The following UQCRB variants were observed in gnomAD, a reference collection of about 807,000 sequenced individuals.
The protein encoded by UQCRB is ubiquinol-cytochrome c reductase binding protein.
Under a neutral mutation model 19.8 loss-of-function variants are expected in UQCRB, and 12 were observed. The ratio of observed to expected loss-of-function variants is 0.61; its 90% CI spans 0.39 to 0.98. UQCRB has a LOEUF of 0.98. Among genes scored for constraint, UQCRB ranks in the 50% least tolerant of loss-of-function variants. The pLI, the probability that UQCRB is intolerant of heterozygous loss-of-function variation, is 0.00. For synonymous variants in UQCRB, 39 were observed against 42.9 expected, an observed-to-expected ratio of 0.91 and a Z score of 0.35; for missense variants, 142 against 131.8, an observed-to-expected ratio of 1.08 and a Z score of -0.38.
Position 96,235,474 on chromosome 8 carries a change from C to T in UQCRB, c.19+38G>A, listed in dbSNP as rs991998442. ...GCTGCAGCAAAAATAAACGGTGAAGCGCGACGATGCCGGCCAAGAAGACCC... is the reference window on the plus strand; with the variant it reads ...GCTGCAGCAAAAATAAACGGTGAAGTGCGACGATGCCGGCCAAGAAGACCC... On this transcript the variant is annotated intron_variant, in intron 1 of 3. Coordinates refer to ENST00000287022, the MANE Select transcript of UQCRB (RefSeq NM_006294.5). 1.9e-6 allele frequency: 3 copies of T among 1,614,038 alleles called. No homozygotes were observed. The African/African-American group carries it at 4.0e-5, about 22-fold the overall frequency.
rs917952160 is a variant in UQCRB, at chr8:96,229,322, T to C, written c.*1733A>G. On this transcript the variant is annotated 3_prime_UTR_variant, in exon 4 of 4. Coordinates refer to ENST00000287022, the MANE Select transcript of UQCRB (RefSeq NM_006294.5). ...TATTTGTTCCCCTGTCCTTCAGCAG[T>C]GCCCTTAGGCTTGCTTTAAACATTA... is the stretch of plus-strand genomic sequence containing the variant. 1 of 454,026 alleles carries C rather than the reference T, an allele frequency of 2.2e-6. No individual in the cohort carries two copies. The highest frequency in any genetic ancestry group is 4.4e-6 in the Non-Finnish European group (1 of 226,810). The allele number at this position is 454,026 out of a possible 1,614,324, so 28.1% of individuals were successfully genotyped here.
Position 96,228,228 on chromosome 8 carries a change from T to A in UQCRB, c.*2827A>T, listed in dbSNP as rs1368034672. ...CTTTCTTCAAGATGTAGGAAAACTG[T>A]ATATTCAAAACCAATCTCAAACTTT... is the stretch of plus-strand genomic sequence containing the variant. On this transcript the variant is annotated 3_prime_UTR_variant, in exon 4 of 4. Transcript: ENST00000287022. The A allele has an allele frequency of 3.3e-5, 15 of 453,966 alleles. No homozygotes were observed. The highest frequency in any genetic ancestry group is 3.0e-4 in the African/African-American group (15 of 50,008). 28.1% of individuals were successfully genotyped at this position (453,966 alleles called of 1,614,324 possible). A position where few individuals can be genotyped will look rare whatever the true frequency, so the allele number is the denominator to read the frequency against.
At position 96,229,285 on chromosome 8, in the gene UQCRB, C is replaced by T. The variant is rs1018504108; in HGVS notation, c.*1770G>A. ...CTGGGGGTTCCTGTTATACCTCAGT[C>T]TTGGTCAGTTCTATTTGTTCCCCTG... is the stretch of plus-strand genomic sequence containing the variant. On this transcript the variant is annotated 3_prime_UTR_variant, in exon 4 of 4. Transcript: ENST00000287022. 8 of 453,996 alleles carry T rather than the reference C, an allele frequency of 1.8e-5. No individual in the cohort carries two copies. Among genetic ancestry groups the T allele is most frequent in the African/African-American group, 6.0e-5 (3 of 50,008 alleles). The allele number at this position is 453,996 out of a possible 1,614,324, so 28.1% of individuals were successfully genotyped here.
chr8:96,228,732 T>C lies in UQCRB; in HGVS notation c.*2323A>G, dbSNP rs1809584827. On this transcript the variant is annotated 3_prime_UTR_variant, in exon 4 of 4. Coordinates refer to ENST00000287022, the MANE Select transcript of UQCRB (RefSeq NM_006294.5). ...ACAAACAAACTGAAGCACGGAGAGGTTAAATTGTATTCCTAAAGCACTACA... is the reference window on the plus strand; with the variant it reads ...ACAAACAAACTGAAGCACGGAGAGGCTAAATTGTATTCCTAAAGCACTACA... The C allele has an allele frequency of 2.2e-6, 1 of 453,940 alleles. No individual in the cohort carries two copies. 28.1% of individuals were successfully genotyped at this position (453,940 alleles called of 1,614,324 possible). A position where few individuals can be genotyped will look rare whatever the true frequency, so the allele number is the denominator to read the frequency against.
intron 1 of UQCRB, chr8:96,234,725 T>C (rs888589771): frequency 2.5e-5 from 9 of 357,816 alleles, no homozygotes; most frequent in Non-Finnish European, 3.8e-5. Flanking sequence ...TGAGACGAGA[T>C]TGTGCCATTG....
rs371998656 is a variant in UQCRB at position 96,230,608 on chromosome 8, G to A, written c.*447C>T. On this transcript the variant is annotated 3_prime_UTR_variant, in exon 4 of 4. Coordinates refer to ENST00000287022, the MANE Select transcript of UQCRB (RefSeq NM_006294.5). ...TACTTAAGTATGCCTATGTTGGGGT[G>A]CAGACATAATTTCTTTTTAAATGAT... 4.1e-4 allele frequency: 187 copies of A among 455,336 alleles called. No individual in the cohort carries two copies. Among genetic ancestry groups the A allele is most frequent in the Non-Finnish European group, 7.0e-4 (159 of 227,814 alleles). The allele number at this position is 455,336 out of a possible 1,614,324, so 28.2% of individuals were successfully genotyped here. A position where few individuals can be genotyped will look rare whatever the true frequency, so the allele number is the denominator to read the frequency against.
At position 96,231,583 on chromosome 8, in the gene UQCRB, A is replaced by G. The variant is rs1027363085; in HGVS notation, c.258+191T>C. 5 of 1,370,196 alleles carry G rather than the reference A, an allele frequency of 3.6e-6. No homozygotes were observed. The African/African-American group carries it at 7.2e-5, about 20-fold the overall frequency. 84.9% of individuals were successfully genotyped at this position (1,370,196 alleles called of 1,614,324 possible). A position where few individuals can be genotyped will look rare whatever the true frequency, so the allele number is the denominator to read the frequency against. On this transcript the variant is annotated intron_variant, in intron 3 of 3. Transcript: ENST00000287022. ...TTAGAGACTTGCTTAGTAATTTCAGAAGAATCATTTCACACGTAAGACTCA... is the reference window on the plus strand; with the variant it reads ...TTAGAGACTTGCTTAGTAATTTCAGGAGAATCATTTCACACGTAAGACTCA...
At chr8:96,233,342 T>C in intron 1 of UQCRB, 115 bp from the exon 2 acceptor site, 1 of 987,372 alleles carries the variant, frequency 1.0e-6, no homozygotes, top group South Asian at 1.3e-5. Context: ...TAGAAATAAA[T>C]TTCCTTTTAA....
Position 96,230,830 on chromosome 8 carries a change from T to C in UQCRB, c.*225A>G. The C allele has an allele frequency of 1.5e-6, 1 of 669,274 alleles. No homozygotes were observed. Among genetic ancestry groups the C allele is most frequent in the Non-Finnish European group, 2.8e-6 (1 of 359,624 alleles). 41.5% of individuals were successfully genotyped at this position (669,274 alleles called of 1,614,324 possible). On this transcript the variant is annotated 3_prime_UTR_variant, in exon 4 of 4. Transcript: ENST00000287022. ...GATAAAGTGGCTTCTGAGCTCCAAG[T>C]AGCAGTTAAACACAACTAAATATAT...
intron 3 of UQCRB, chr8:96,231,545 C>T (rs1350789849): frequency 5.5e-6 from 8 of 1,459,874 alleles, no homozygotes; most frequent in East Asian, 2.5e-5. Context: ...GATTTTAGTC[C>T]TGGCTCTCTA....
rs1417712895 is a variant in UQCRB at position 96,231,161 on chromosome 8, A to C, written c.259-29T>G. On this transcript the variant is annotated intron_variant, in intron 3 of 3. Coordinates refer to ENST00000287022, the MANE Select transcript of UQCRB (RefSeq NM_006294.5). ...AAGAATGAATGAAATATTATATGTT[A>C]CCATCACGTACTGATATATCCCAAA... is the stretch of plus-strand genomic sequence containing the variant. 8 of 1,614,038 alleles carry C rather than the reference A, an allele frequency of 5.0e-6. No individual in the cohort carries two copies. The East Asian group carries it at 1.8e-4, about 36-fold the overall frequency.
At position 96,229,756 on chromosome 8, in the gene UQCRB, C is replaced by T. The variant is rs1186622319; in HGVS notation, c.*1299G>A. On this transcript the variant is annotated 3_prime_UTR_variant, in exon 4 of 4. Coordinates refer to ENST00000287022, the MANE Select transcript of UQCRB (RefSeq NM_006294.5). ...CAGGATAGGTTTAGAAAAATAACGA[C>T]CAGCGAAAGGAAAAAAAAAAGCGGG... The T allele has an allele frequency of 2.2e-6, 1 of 452,342 alleles. No homozygotes were observed. Among genetic ancestry groups the T allele is most frequent in the Non-Finnish European group, 4.4e-6 (1 of 226,378 alleles). 28.0% of individuals were successfully genotyped at this position (452,342 alleles called of 1,614,324 possible). A position where few individuals can be genotyped will look rare whatever the true frequency, so the allele number is the denominator to read the frequency against.
At position 96,231,931 on chromosome 8, in the gene UQCRB, C is replaced by T. The variant is rs768870614; in HGVS notation, c.101G>A (p.Arg34Gln). 3.5e-5 allele frequency: 57 copies of T among 1,613,060 alleles called. No individual in the cohort carries two copies. The highest frequency in any genetic ancestry group is 4.2e-5 in the Non-Finnish European group (49 of 1,179,990). The change falls in exon 3 of 4, where the codon CGA becomes CAA. Residue 34 changes from arginine (R) to glutamine (Q), a missense_variant. Physicochemically the swap from Arg to Gln is conservative, Grantham distance 43 (BLOSUM62 1). Coordinates refer to ENST00000287022, the MANE Select transcript of UQCRB (RefSeq NM_006294.5). ...AAGFNKLGLMRDDTIYEDEDV... is the reference protein window; with the variant it reads ...AAGFNKLGLMQDDTIYEDEDV... Reference sequence around the variant, plus strand: ...TTCATCCTCGTATATTGTATCATCTCGCATTAACCCTATGATAGATGACAA... The same window carrying T: ...TTCATCCTCGTATATTGTATCATCTTGCATTAACCCTATGATAGATGACAA...
chr8:96,232,659 C>A (rs1021453043), intron 2 of UQCRB: 6 of 159,870 alleles, frequency 3.8e-5, no homozygotes, highest in Non-Finnish European at 8.2e-5. Flanking sequence ...TATGGTGAAA[C>A]CCCGTCTCTA....
Position 96,229,754 on chromosome 8 carries a change from G to A in UQCRB, c.*1301C>T, listed in dbSNP as rs1484552539. 2.7e-5 allele frequency: 12 copies of A among 450,658 alleles called. No individual in the cohort carries two copies. In the East Asian group the frequency reaches 2.9e-4, roughly 11 times the overall value. The allele number at this position is 450,658 out of a possible 1,614,324, so 27.9% of individuals were successfully genotyped here. On this transcript the variant is annotated 3_prime_UTR_variant, in exon 4 of 4. Transcript: ENST00000287022. ...TTCAGGATAGGTTTAGAAAAATAACGACCAGCGAAAGGAAAAAAAAAAGCG... is the reference window on the plus strand; with the variant it reads ...TTCAGGATAGGTTTAGAAAAATAACAACCAGCGAAAGGAAAAAAAAAAGCG...
rs1414979351 is a variant in UQCRB, at chr8:96,224,495, C to T, written c.*6560G>A. Among the ~76,000 whole-genome samples the T allele has an allele frequency of 6.6e-6, 1 of 152,124 alleles. No homozygotes were observed. The highest frequency in any genetic ancestry group is 1.5e-5 in the Non-Finnish European group (1 of 68,018). Reference sequence around the variant, plus strand: ...CTCTCCTGGGGTACAGAGCTGAATCCAGAAGGGACAAGAGTAGATTTAGAA... The same window carrying T: ...CTCTCCTGGGGTACAGAGCTGAATCTAGAAGGGACAAGAGTAGATTTAGAA... On this transcript the variant is annotated 3_prime_UTR_variant, in exon 4 of 4. Transcript: ENST00000287022.
In UQCRB at chr8:96,229,186, C is replaced by T. The variant is rs1809598921; in HGVS notation, c.*1869G>A. On this transcript the variant is annotated 3_prime_UTR_variant, in exon 4 of 4. Coordinates refer to ENST00000287022, the MANE Select transcript of UQCRB (RefSeq NM_006294.5). ...AACATAGAATAGGCATACACTTTGG[C>T]TTTAGGAAGAACTCTTACAAAATCA... is the stretch of plus-strand genomic sequence containing the variant. 4.4e-6 allele frequency: 2 copies of T among 453,990 alleles called. No homozygotes were observed. Among genetic ancestry groups the T allele is most frequent in the Non-Finnish European group, 4.4e-6 (1 of 226,802 alleles). 28.1% of individuals were successfully genotyped at this position (453,990 alleles called of 1,614,324 possible).
In UQCRB at chr8:96,230,646, C is replaced by A. The variant is rs879329257; in HGVS notation, c.*409G>T. 3 of 459,320 alleles carry A rather than the reference C, an allele frequency of 6.5e-6. No individual in the cohort carries two copies. Among genetic ancestry groups the A allele is most frequent in the Non-Finnish European group, 1.3e-5 (3 of 230,622 alleles). The allele number at this position is 459,320 out of a possible 1,614,324, so 28.5% of individuals were successfully genotyped here. On this transcript the variant is annotated 3_prime_UTR_variant, in exon 4 of 4. Coordinates refer to ENST00000287022, the MANE Select transcript of UQCRB (RefSeq NM_006294.5). ...CTTTTTAAATGATAGGATGCAAAATCAAATCTGTTTGCATACCAGTGAAGA... is the reference window on the plus strand; with the variant it reads ...CTTTTTAAATGATAGGATGCAAAATAAAATCTGTTTGCATACCAGTGAAGA...
Position 96,225,087 on chromosome 8 carries a change from G to C in UQCRB, c.*5968C>G, listed in dbSNP as rs1040192593. 6.6e-6 allele frequency among the ~76,000 whole-genome samples: 1 copy of C among 152,188 alleles called. No homozygotes were observed. Among genetic ancestry groups the C allele is most frequent in the African/African-American group, 2.4e-5 (1 of 41,444 alleles). ...ATAGATAAGAACTGACCCAGGTTTG[G>C]GAAGGGGGAAGAGGGAGCTAAGAGG... On this transcript the variant is annotated 3_prime_UTR_variant, in exon 4 of 4. Transcript: ENST00000287022.
Sources: allele counts gnomAD v4.1 joint callset (sites outside exome capture counted in the v4.1 genomes callset), GRCh38; gene constraint gnomAD v4.1.1; transcripts MANE v1.5; gene names NCBI Gene and HGNC (gene_info 2026-07-23, HGNC 2026-07-21).